TTC3: variants seen among roughly 807,000 people sequenced by gnomAD.
TTC3 encodes tetratricopeptide repeat domain 3, also known as E3 ubiquitin-protein ligase TTC3.
A neutral mutation model predicts 249.6 loss-of-function variants in TTC3; 180 were observed. The observed-to-expected ratio is 0.72, with a 90% CI of 0.64 to 0.82. The LOEUF (loss-of-function observed/expected upper bound fraction) is 0.82. Ranked by LOEUF, TTC3 falls within the 40% of genes least tolerant of loss-of-function variation. The pLI is 0.00. For missense variants in TTC3, 2,061 were observed against 2,398.4 expected (o/e 0.86, Z 2.94); for synonymous variants, 717 against 805.0 (o/e 0.89, Z 1.85).
chr21:37,074,367 G>A (rs2070515169), intron 1 of TTC3, among the ~76,000 whole-genome samples: 1 of 152,234 alleles, frequency 6.6e-6, no homozygotes, highest in Non-Finnish European at 1.5e-5. Context: ...CGAGACGTAG[G>A]TGAATTTGGG....
chr21:37,139,238 A>G (rs1193483930), intron 19 of TTC3, among the ~76,000 whole-genome samples: 1 of 152,078 alleles, frequency 6.6e-6, no homozygotes, highest in Non-Finnish European at 1.5e-5. Flanking sequence ...TAACGTTAGT[A>G]TCTCTTATTT....
chr21:37,073,841 G>A (rs2070401060), intron 1 of TTC3, among the ~76,000 whole-genome samples: 1 of 152,216 alleles, frequency 6.6e-6, no homozygotes, highest in South Asian at 2.1e-4. Flanking sequence ...GCCCCTGTCT[G>A]TGGGCTGCGC....
chr21:37,124,679 G>A (rs911199900), exon 14 of TTC3: 4 of 1,613,574 alleles, frequency 2.5e-6, no homozygotes, highest in African/African-American at 1.3e-5. Context: ...ACTTTGTGGA[G>A]AAGGAAAGAG....
At chr21:37,124,474 A>G in intron 13 of TTC3, 145 bp from the exon 14 acceptor site, 2 of 768,676 alleles carry the variant, frequency 2.6e-6, no homozygotes, top group Non-Finnish European at 4.1e-6. Flanking sequence ...ATGTTTATGT[A>G]TAAAGCCCCA....
At chr21:37,197,860 G>A (rs1231945437) in intron 43 of TTC3, 22 bp from the exon 44 acceptor site, 15 of 1,601,302 alleles carry the variant, frequency 9.4e-6, no homozygotes, top group South Asian at 4.5e-5. Context: ...TCCCCTCCCC[G>A]CCACCCCTGT....
chr21:37,165,481 GT>G (rs891209748), intron 32 of TTC3, 68 bp from the exon 33 acceptor site: 1 of 1,237,186 alleles, frequency 8.1e-7, no homozygotes, highest in Middle Eastern at 2.2e-4. Context: ...GAGAATAAAA[GT>G]TTTTTTCAAA....
At chr21:37,091,237 A>G in intron 6 of TTC3, 56 bp from the exon 7 acceptor site, 3 of 1,559,654 alleles carry the variant, frequency 1.9e-6, no homozygotes, top group Non-Finnish European at 2.6e-6. Context: ...ATAATGCCAC[A>G]TGCAAATTTA....
intron 1 of TTC3, among the ~76,000 whole-genome samples, chr21:37,075,293 TA>T (rs1171080928): frequency 6.6e-6 from 1 of 152,232 alleles, no homozygotes. Flanking sequence ...ATACCATATT[TA>T]TTTATACATT....
chr21:37,155,228 C>G (rs979605166), intron 27 of TTC3, among the ~76,000 whole-genome samples: 13 of 151,506 alleles, frequency 8.6e-5, no homozygotes, highest in Admixed American at 3.3e-4. Flanking sequence ...GGACTTACAT[C>G]ATGCACATAT....
intron 21 of TTC3, among the ~76,000 whole-genome samples, chr21:37,146,091 A>G (rs1024997803): frequency 2.0e-5 from 3 of 152,248 alleles, no homozygotes; most frequent in Non-Finnish European, 4.4e-5. Context: ...AGCATTAGTC[A>G]TAATAGCCCA....
At chr21:37,128,553 A>G (rs764889535) in intron 15 of TTC3, among the ~76,000 whole-genome samples, 10 of 151,888 alleles carry the variant, frequency 6.6e-5, no homozygotes, top group Middle Eastern at 3.2e-3. Flanking sequence ...CCTCACTAAC[A>G]TTTTTCTCAG....
At chr21:37,125,657 C>A (rs1409063582) in intron 14 of TTC3, among the ~76,000 whole-genome samples, 2 of 151,428 alleles carry the variant, frequency 1.3e-5, no homozygotes, top group Non-Finnish European at 2.9e-5. Context: ...AGAAAAATAT[C>A]ATCAGTAGCT....
In TTC3 at chr21:37,115,471, G is replaced by T. The variant is rs139052952; in HGVS notation, c.901-6346G>T. ...AACCAAGTCAGGGAGCACTATAATA[G>T]ACTCCACAGTTACTTGATTCTGAGT... is the stretch of plus-strand genomic sequence containing the variant. On this transcript the variant is annotated intron_variant, in intron 11 of 45. Transcript: ENST00000355666. 5.6e-3 allele frequency among the ~76,000 whole-genome samples: 855 copies of T among 152,296 alleles called. 4 individuals are homozygous for T. The Middle Eastern group carries it at 0.065, about 12-fold the overall frequency.
intron 31 of TTC3, 26 bp from the exon 32 acceptor site, chr21:37,164,025 G>C (rs2081019322): frequency 6.3e-7 from 1 of 1,588,212 alleles, no homozygotes. Flanking sequence ...CCACAAAATT[G>C]GGTGTTTTTT....
intron 34 of TTC3, among the ~76,000 whole-genome samples, chr21:37,169,780 A>C (rs1252399037): frequency 1.3e-5 from 2 of 151,008 alleles, no homozygotes; most frequent in Non-Finnish European, 3.0e-5. Context: ...CCCAGGAGGC[A>C]CAGGTTGCAG....
intron 42 of TTC3, among the ~76,000 whole-genome samples, chr21:37,197,304 C>T (rs202061559): frequency 6.6e-6 from 1 of 151,834 alleles, no homozygotes; most frequent in East Asian, 1.9e-4. Flanking sequence ...GCAAAACTCG[C>T]TTGAACCTGA....
chr21:37,108,551 G>A lies in TTC3; in HGVS notation c.900+105G>A, dbSNP rs115979668. The A allele has an allele frequency of 1.4e-3, 1,541 of 1,098,374 alleles. 9 individuals are homozygous for A. The African/African-American group carries it at 0.018, about 13-fold the overall frequency. 68.0% of individuals were successfully genotyped at this position (1,098,374 alleles called of 1,614,324 possible). On this transcript the variant is annotated intron_variant, in intron 11 of 45. Coordinates refer to ENST00000355666, the Ensembl canonical transcript of TTC3. Reference sequence around the variant, plus strand: ...TCATAAAAATGCTATATGAAATTACGTAGAGCTCCAGAATGTGAAAGGGGA... The same window carrying A: ...TCATAAAAATGCTATATGAAATTACATAGAGCTCCAGAATGTGAAAGGGGA...
intron 42 of TTC3, among the ~76,000 whole-genome samples, chr21:37,196,641 G>T (rs2084945414): frequency 6.6e-6 from 1 of 152,186 alleles, no homozygotes; most frequent in African/African-American, 2.4e-5. Flanking sequence ...GAGACCAATA[G>T]CACTGTCTAA....
intron 17 of TTC3, among the ~76,000 whole-genome samples, chr21:37,134,167 A>G (rs535442629): frequency 1.3e-5 from 2 of 152,276 alleles, no homozygotes; most frequent in African/African-American, 4.8e-5. Context: ...AAAAGCCAGC[A>G]GAGGCCGGGT....
Sources: gnomAD v4.1 joint callset for allele counts (sites outside exome capture counted in the v4.1 genomes callset) on GRCh38, gnomAD v4.1.1 for gene constraint, MANE v1.5 for transcripts, NCBI Gene and HGNC (gene_info 2026-07-23, HGNC 2026-07-21) for gene names.